Variants in SIRT1 observed in about 807,000 individuals in gnomAD.
SIRT1 encodes NAD-dependent protein deacetylase sirtuin-1.
A neutral mutation model predicts 67.9 loss-of-function variants in SIRT1; 24 were observed. That is an observed-to-expected ratio of 0.35 (90% CI 0.26 to 0.50). The LOEUF (loss-of-function observed/expected upper bound fraction) is 0.50, where lower values mean the gene tolerates loss of function less well. SIRT1 is among the 20% of genes least tolerant of loss of function. The pLI, the probability that SIRT1 is intolerant of heterozygous loss-of-function variation, is 0.98. For missense variants in SIRT1, 873 were observed against 937.2 expected, an observed-to-expected ratio of 0.93 and a Z score of 0.89; for synonymous variants, 378 against 350.7, an observed-to-expected ratio of 1.08 and a Z score of -0.87.
In SIRT1 at chr10:67,908,720, G is replaced by T. The variant is rs34718821; in HGVS notation, c.1171-536G>T. On this transcript the variant is annotated intron_variant, in intron 6 of 8. Coordinates refer to ENST00000212015, the MANE Select transcript of SIRT1 (RefSeq NM_012238.5). ...GAAGTGAGACCAGCCTGGCCAACAT[G>T]GCAAAACCCCGTCTCTCTTAAAAAT... is the stretch of plus-strand genomic sequence containing the variant. Among the ~76,000 whole-genome samples the T allele has an allele frequency of 8.2e-3, 1,254 of 152,212 alleles. 15 individuals are homozygous for T. The highest frequency in any genetic ancestry group is 0.029 in the African/African-American group (1,186 of 41,538).
intron 4 of SIRT1, among the ~76,000 whole-genome samples, chr10:67,897,062 A>G (rs549080720): frequency 5.3e-5 from 8 of 151,860 alleles, no homozygotes; most frequent in Non-Finnish European, 7.4e-5. Context: ...AGGCTGAGGC[A>G]GCAGAATCAC....
Position 67,885,093 on chromosome 10 carries a change from C to A in SIRT1, c.372C>A (p.Asp124Glu), listed in dbSNP as rs1184771827. The A allele has an allele frequency of 7.0e-7, 1 of 1,429,156 alleles. No individual in the cohort carries two copies. Among genetic ancestry groups the A allele is most frequent in the Admixed American group, 2.7e-5 (1 of 36,630 alleles). The allele number at this position is 1,429,156 out of a possible 1,614,324, so 88.5% of individuals were successfully genotyped here. A position where few individuals can be genotyped will look rare whatever the true frequency, so the allele number is the denominator to read the frequency against. ...TGGCCGACAACTTGTACGACGAAGA[C>A]GACGACGACGAGGGCGAGGAGGAGG... The part of the protein sequence containing the change: ...PPLADNLYDE[D>E]DDDEGEEEEE... Residue 124 changes from aspartate to glutamate, a missense_variant, in exon 1 of 9, where the codon GAC becomes GAA. By Grantham distance (45) the Asp-to-Glu change is conservative. Transcript: ENST00000212015.
chr10:67,890,909 A>T (rs938585572), intron 3 of SIRT1, among the ~76,000 whole-genome samples: 2 of 151,762 alleles, frequency 1.3e-5, no homozygotes, highest in African/African-American at 4.8e-5. Context: ...AGGCACCTGC[A>T]TTCCCAGCTA....
chr10:67,909,219 T>A, intron 6 of SIRT1, 37 bp from the exon 7 acceptor site: 2 of 1,482,692 alleles, frequency 1.3e-6, no homozygotes, highest in Non-Finnish European at 1.8e-6. Flanking sequence ...GCTTACTCTT[T>A]GCTTCTCTAC....
intron 1 of SIRT1, among the ~76,000 whole-genome samples, chr10:67,886,877 C>A (rs965283927): frequency 2.8e-5 from 4 of 140,624 alleles, no homozygotes; most frequent in African/African-American, 1.0e-4. Context: ...TTTTCCTTTT[C>A]TTTTTTTTTA....
intron 8 of SIRT1, among the ~76,000 whole-genome samples, chr10:67,914,985 C>G (rs1488806538): frequency 6.6e-6 from 1 of 151,638 alleles, no homozygotes; most frequent in Non-Finnish European, 1.5e-5. Context: ...CTTGGCCTCC[C>G]AAAGTGCTGG....
chr10:67,889,259 C>T lies in SIRT1; in HGVS notation c.789+136C>T, dbSNP rs1842532284. ...TTTGGGAACTGCCAAAAACTGAGTG[C>T]AGCAGCAGTTGCTAAATTAGTTCAG... On this transcript the variant is annotated intron_variant, in intron 3 of 8. Coordinates refer to ENST00000212015, the MANE Select transcript of SIRT1 (RefSeq NM_012238.5). 3 of 951,092 alleles carry T rather than the reference C, an allele frequency of 3.2e-6. No homozygotes were observed. The South Asian group carries it at 6.0e-5, about 19-fold the overall frequency. The allele number at this position is 951,092 out of a possible 1,614,324, so 58.9% of individuals were successfully genotyped here. A position where few individuals can be genotyped will look rare whatever the true frequency, so the allele number is the denominator to read the frequency against.
At chr10:67,885,590 T>A (rs1041474521) in intron 1 of SIRT1, among the ~76,000 whole-genome samples, 1 of 90,132 alleles carries the variant, frequency 1.1e-5, no homozygotes, top group Admixed American at 1.0e-4. Flanking sequence ...TTTCAATTGC[T>A]TTTTGCAAAC....
rs1554892497 is a variant in SIRT1 at position 67,916,804 on chromosome 10, A to ATTTT, written c.*211_*212insTTTT. 9 of 281,692 alleles carry ATTTT rather than the reference A, an allele frequency of 3.2e-5. No individual in the cohort carries two copies. Among genetic ancestry groups the ATTTT allele is most frequent in the Non-Finnish European group, 5.2e-5 (8 of 154,664 alleles). The allele number at this position is 281,692 out of a possible 1,614,324, so 17.4% of individuals were successfully genotyped here. A position where few individuals can be genotyped will look rare whatever the true frequency, so the allele number is the denominator to read the frequency against. ...CTCAACACTAACTTTTTTTTTTTTA[A>ATTTT]AAAAAAAAAGGTACTAAGTATCTTC... On this transcript the variant is annotated 3_prime_UTR_variant, in exon 9 of 9. Coordinates refer to ENST00000212015, the MANE Select transcript of SIRT1 (RefSeq NM_012238.5).
chr10:67,910,711 G>A lies in SIRT1; in HGVS notation c.1357+1269G>A, dbSNP rs1842885906. ...GCCATAACGGTGATATGTCGATATA[G>A]TTTACCCAAAAGGGTGTGTATATAA... is the stretch of plus-strand genomic sequence containing the variant. On this transcript the variant is annotated intron_variant, in intron 7 of 8. Coordinates refer to ENST00000212015, the MANE Select transcript of SIRT1 (RefSeq NM_012238.5). Among the ~76,000 whole-genome samples the A allele has an allele frequency of 3.3e-5, 5 of 152,296 alleles. No individual in the cohort carries two copies. The South Asian group carries it at 1.0e-3, about 32-fold the overall frequency.
At chr10:67,890,020 C>A (rs1479704227) in intron 3 of SIRT1, among the ~76,000 whole-genome samples, 1 of 150,464 alleles carries the variant, frequency 6.6e-6, no homozygotes, top group East Asian at 1.9e-4. Flanking sequence ...TGCTGTGTTG[C>A]CCTGGCTGGA....
intron 8 of SIRT1, among the ~76,000 whole-genome samples, chr10:67,914,853 A>G (rs962002521): frequency 1.3e-5 from 2 of 149,802 alleles, no homozygotes; most frequent in African/African-American, 4.9e-5. Flanking sequence ...AGCTGAGACC[A>G]CAGGCGCATG....
Position 67,912,997 on chromosome 10 carries a change from A to T in SIRT1, c.1881A>T (p.Arg627Ser). ...AGTVRKCWPN[R>S]VAKEQISRRL... Reference sequence around the variant, plus strand: ...CAGTGAGAAAATGCTGGCCTAATAGAGTGGCAAAGGAGCAGATTAGTAGGC... The same window carrying T: ...CAGTGAGAAAATGCTGGCCTAATAGTGTGGCAAAGGAGCAGATTAGTAGGC... Residue 627 changes from arginine to serine, a missense_variant, in exon 8 of 9, where the codon AGA becomes AGT. By Grantham distance (110) the Arg-to-Ser change is moderately radical (BLOSUM62 -1). Around this residue, in one of 3 missense-constraint regions of SIRT1, gnomAD observed 295 missense variants for 294.5 expected, o/e 1.00. Transcript: ENST00000212015. 1.2e-6 allele frequency: 2 copies of T among 1,611,328 alleles called. No homozygotes were observed. The highest frequency in any genetic ancestry group is 8.5e-7 in the Non-Finnish European group (1 of 1,179,190).
intron 6 of SIRT1, among the ~76,000 whole-genome samples, chr10:67,909,037 T>C (rs1842861450): frequency 6.6e-6 from 1 of 152,246 alleles, no homozygotes; most frequent in African/African-American, 2.4e-5. Flanking sequence ...CAAGTGTTTT[T>C]CTACATAGAT....
At chr10:67,910,987 A>G (rs895637732) in intron 7 of SIRT1, among the ~76,000 whole-genome samples, 9 of 152,334 alleles carry the variant, frequency 5.9e-5, no homozygotes, top group East Asian at 1.9e-4. Flanking sequence ...TGGAAGAAAC[A>G]TGGAGTCAAG....
intron 4 of SIRT1, among the ~76,000 whole-genome samples, chr10:67,898,883 A>G (rs1259421063): frequency 1.3e-5 from 2 of 152,162 alleles, no homozygotes; most frequent in Non-Finnish European, 2.9e-5. Flanking sequence ...TTTGTAGTAT[A>G]TTCTACTTAA....
At position 67,917,966 on chromosome 10, in the gene SIRT1, C is replaced by G. The variant is rs1312947740; in HGVS notation, c.*1373C>G. The G allele has an allele frequency of 6.6e-6, 1 of 152,412 alleles. No individual in the cohort carries two copies. The highest frequency in any genetic ancestry group is 1.5e-5 in the Non-Finnish European group (1 of 67,996). 9.4% of individuals were successfully genotyped at this position (152,412 alleles called of 1,614,324 possible). ...TCCTCTGTTGCTTTAGTATTTATTA[C>G]AATAAAAAGGGTTTGAAATATAGCT... On this transcript the variant is annotated 3_prime_UTR_variant, in exon 9 of 9. Transcript: ENST00000212015.
intron 1 of SIRT1, among the ~76,000 whole-genome samples, chr10:67,886,845 GATT>G (rs1239193679): frequency 1.3e-5 from 2 of 151,476 alleles, no homozygotes; most frequent in African/African-American, 4.8e-5. Context: ...ATTCTAGCTA[GATT>G]ATTATCTTTT....
intron 4 of SIRT1, among the ~76,000 whole-genome samples, chr10:67,893,423 T>A: frequency 6.6e-6 from 1 of 152,204 alleles, no homozygotes. Context: ...TTGTGTTAGT[T>A]TGCTGAGGAT....
Sources: gnomAD v4.1 joint callset for allele counts (sites outside exome capture counted in the v4.1 genomes callset) on GRCh38, gnomAD v4.1.1 for gene constraint, gnomAD v4.1.1 regional missense constraint, MANE v1.5 for transcripts, NCBI Gene and HGNC (gene_info 2026-07-23, HGNC 2026-07-21) for gene names.